BRD2: variants seen among roughly 807,000 people sequenced by gnomAD.
BRD2 encodes bromodomain-containing protein 2.
In BRD2, 15 loss-of-function variants were observed where a neutral mutation model predicts 79.1. The observed-to-expected ratio is 0.19, with a 90% CI of 0.13 to 0.29. BRD2 has a LOEUF of 0.29. Among genes scored for constraint, BRD2 ranks in the 10% least tolerant of loss-of-function variants. BRD2 has a pLI of 1.00. For synonymous variants in BRD2, 488 were observed against 358.6 expected, an observed-to-expected ratio of 1.36 and a Z score of -4.08; for missense variants, 1,053 against 991.3, an observed-to-expected ratio of 1.06 and a Z score of -0.84.
chr6:32,978,781 C>T (rs2127523687), intron 10 of BRD2: 1 of 231,972 alleles, frequency 4.3e-6, no homozygotes, highest in Non-Finnish European at 8.4e-6. Context: ...CAGTAACAGG[C>T]CACGGACTGG....
At chr6:32,969,097 G>A (rs6940269) in intron 1 of BRD2, 41 bp downstream of exon 1, 9,073 of 520,280 alleles carry the variant, frequency 0.017, 158 homozygotes, top group African/African-American at 0.06. Context: ...TCAGTCAAGT[G>A]CTTAACCAAT....
At chr6:32,973,700 G>T (rs911721919) in intron 2 of BRD2, among the ~76,000 whole-genome samples, 12 of 152,132 alleles carry the variant, frequency 7.9e-5, no homozygotes, top group African/African-American at 2.9e-4. Flanking sequence ...TAGTGGAATC[G>T]TGTTGTGTAG....
chr6:32,975,630 A>C, intron 4 of BRD2, 109 bp downstream of exon 4: 1 of 1,401,482 alleles, frequency 7.1e-7, no homozygotes, highest in Non-Finnish European at 9.8e-7. Context: ...TGAAGGTGTT[A>C]TCCAGGTAGG....
chr6:32,975,973 GTATC>G (rs1778687899), intron 4 of BRD2, 54 bp from the exon 5 acceptor site: 17 of 1,542,288 alleles, frequency 1.1e-5, no homozygotes, highest in Non-Finnish European at 1.5e-5. Context: ...AAGATGGTGT[GTATC>G]TATCTTCTGT....
At position 32,972,840 on chromosome 6, in the gene BRD2, G is replaced by A. The variant is rs6916791; in HGVS notation, c.-59G>A. 0.01 allele frequency: 16,693 copies of A among 1,613,048 alleles called. 160 individuals carry two copies. The highest frequency in any genetic ancestry group is 0.035 in the African/African-American group (2,612 of 75,046). ...GTTATGCTGGACCGGGCGGTGAGGGGAACCGAGGCCACCCGGACTTTCCGC... is the reference window on the plus strand; with the variant it reads ...GTTATGCTGGACCGGGCGGTGAGGGAAACCGAGGCCACCCGGACTTTCCGC... On this transcript the variant is annotated 5_prime_UTR_variant, in exon 2 of 13. Coordinates refer to ENST00000374825, the MANE Select transcript of BRD2 (RefSeq NM_005104.4).
In BRD2 at chr6:32,976,245, T is replaced by A; in HGVS notation, c.611-5T>A. The A allele has an allele frequency of 6.2e-7, 1 of 1,611,476 alleles. No individual in the cohort carries two copies. Among genetic ancestry groups the A allele is most frequent in the Non-Finnish European group, 8.5e-7 (1 of 1,178,942 alleles). On this transcript the variant is annotated splice_polypyrimidine_tract_variant and splice_region_variant and intron_variant, in intron 5 of 12. Transcript: ENST00000374825. ...ATCAAACTACACTTTTTTCCTTTTT[T>A]CTAGCGCTCCAGGGCAGTGTTACCA...
In BRD2 at chr6:32,971,630, C is replaced by T. The variant is rs1777990098; in HGVS notation, c.-1269C>T. The T allele has an allele frequency of 6.8e-6, 3 of 438,668 alleles. No homozygotes were observed. The highest frequency in any genetic ancestry group is 1.2e-5 in the Non-Finnish European group (3 of 247,940). 27.2% of individuals were successfully genotyped at this position (438,668 alleles called of 1,614,324 possible). ...GCTGCTGCCTTACCGCCGAGAACCA[C>T]CACCCGCCAGGCGTCTTGCGGCCAC... On this transcript the variant is annotated 5_prime_UTR_variant, in exon 2 of 13. Coordinates refer to ENST00000374825, the MANE Select transcript of BRD2 (RefSeq NM_005104.4).
At chr6:32,975,567 A>G (rs747955782) in intron 4 of BRD2, 46 bp downstream of exon 4, 1 of 1,598,684 alleles carries the variant, frequency 6.3e-7, no homozygotes, top group Non-Finnish European at 8.6e-7. Flanking sequence ...AGAAACAGTA[A>G]CTTCTATTAT....
chr6:32,979,453 A>T, intron 10 of BRD2: 1 of 244,844 alleles, frequency 4.1e-6, no homozygotes, highest in Non-Finnish European at 7.9e-6. Context: ...ACCTTGTTTT[A>T]TTGTGCTTCA....
chr6:32,974,420 C>T, intron 2 of BRD2, 42 bp from the exon 3 acceptor site: 2 of 1,569,744 alleles, frequency 1.3e-6, no homozygotes, highest in South Asian at 1.2e-5. Context: ...ACTTTTTCCT[C>T]ATTTGGACGA....
rs1376873864 is a variant in BRD2, at chr6:32,976,646, G to A, written c.910G>A (p.Gly304Arg). ...TCCTGGTTCTCCAGCTAGCCCTCCT[G>A]GGAGTCTTGAGCCTAAGGCAGCACG... ...LAPGSPASPP[G>R]SLEPKAARLP... The change falls in exon 7 of 13, where the codon GGG becomes AGG. Residue 304 changes from glycine to arginine, a missense_variant. By Grantham distance (125) the Gly-to-Arg change is moderately radical (BLOSUM62 -2). Transcript: ENST00000374825. 1 of 1,612,590 alleles carries A rather than the reference G, an allele frequency of 6.2e-7. No individual in the cohort carries two copies. The highest frequency in any genetic ancestry group is 1.1e-5 in the South Asian group (1 of 91,092).
At position 32,974,778 on chromosome 6, in the gene BRD2, A is replaced by G. The variant is rs368561327; in HGVS notation, c.333+13A>G. On this transcript the variant is annotated intron_variant, in intron 3 of 12. Coordinates refer to ENST00000374825, the MANE Select transcript of BRD2 (RefSeq NM_005104.4). ...ACTGGGTCTACCGGTGAGTAGAGAC[A>G]TTGGAGCCGGGGAGGTGTGGGATGA... is the stretch of plus-strand genomic sequence containing the variant. 4 of 1,610,244 alleles carry G rather than the reference A, an allele frequency of 2.5e-6. No homozygotes were observed. In the African/African-American group the frequency reaches 4.0e-5, roughly 16 times the overall value.
chr6:32,977,268 A>G (rs1561947902), intron 7 of BRD2, 174 bp from the exon 8 acceptor site: 1 of 1,557,224 alleles, frequency 6.4e-7, no homozygotes, highest in East Asian at 2.3e-5. Context: ...AGACATAAAT[A>G]TTTCTTCAAC....
rs374509842 is a variant in BRD2 at position 32,975,307 on chromosome 6, T to TGTGTGA, written c.334-74_334-73insTGAGTG. 3,789 of 1,151,322 alleles carry TGTGTGA rather than the reference T, an allele frequency of 3.3e-3. 7 individuals carry two copies. Among genetic ancestry groups the TGTGTGA allele is most frequent in the Middle Eastern group, 0.022 (74 of 3,430 alleles). The allele number at this position is 1,151,322 out of a possible 1,614,324, so 71.3% of individuals were successfully genotyped here. On this transcript the variant is annotated intron_variant, in intron 3 of 12. Coordinates refer to ENST00000374825, the MANE Select transcript of BRD2 (RefSeq NM_005104.4). Reference sequence around the variant, plus strand: ...GGGGGTGTGTGTGTGTGTGTGTGTGTGTGAGAGTCGGGGATCGGTAGTCTC... The same window carrying TGTGTGA: ...GGGGGTGTGTGTGTGTGTGTGTGTGTGTGTGAGTGAGAGTCGGGGATCGGTAGTCTC...
intron 3 of BRD2, 82 bp from the exon 4 acceptor site, chr6:32,975,302 G>GTA: frequency 8.7e-7 from 1 of 1,147,840 alleles, no homozygotes; most frequent in Non-Finnish European, 1.2e-6. Context: ...GTGTGTGTGT[G>GTA]TGTGTGTGAG....
chr6:32,976,916 A>G lies in BRD2; in HGVS notation c.1180A>G (p.Met394Val), dbSNP rs772177282. 1.2e-6 allele frequency: 2 copies of G among 1,611,978 alleles called. No individual in the cohort carries two copies. Among genetic ancestry groups the G allele is most frequent in the South Asian group, 2.2e-5 (2 of 91,008 alleles). The change falls in exon 7 of 13, where the codon ATG (methionine) becomes GTG (valine). Residue 394 changes from methionine to valine, a missense_variant. This residue lies in a region of BRD2 where 454 missense variants were observed against 430.5 expected (regional missense o/e 1.05). Transcript: ENST00000374825. ...HDYHDIIKHP[M>V]DLSTVKRKME... ...CTACCATGACATCATTAAGCACCCCATGGACCTCAGCACTGTCAAGGTACC... is the reference window on the plus strand; with the variant it reads ...CTACCATGACATCATTAAGCACCCCGTGGACCTCAGCACTGTCAAGGTACC...
Position 32,974,758 on chromosome 6 carries a change from G to T in BRD2, c.326G>T (p.Gly109Val). 6.2e-7 allele frequency: 1 copy of T among 1,613,532 alleles called. No individual in the cohort carries two copies. Among genetic ancestry groups the T allele is most frequent in the Non-Finnish European group, 8.5e-7 (1 of 1,179,654 alleles). ...CAGCCTGTGGATGCTGTCAAACTGG[G>T]TCTACCGGTGAGTAGAGACATTGGA... The part of the protein sequence containing the change: ...FRQPVDAVKL[G>V]LPDYHKIIKQ... The change falls in exon 3 of 13, where the codon GGT (glycine) becomes GTT (valine). Residue 109 changes from glycine (G) to valine (V), a missense_variant. Physicochemically the swap from Gly to Val is moderately radical, Grantham distance 109. This residue lies in a region of BRD2 where 413 missense variants were observed against 335.1 expected (regional missense o/e 1.23). Coordinates refer to ENST00000374825, the MANE Select transcript of BRD2 (RefSeq NM_005104.4).
intron 11 of BRD2, 58 bp from the exon 12 acceptor site, chr6:32,980,284 G>C: frequency 6.2e-7 from 1 of 1,603,256 alleles, no homozygotes; most frequent in Non-Finnish European, 8.5e-7. Context: ...AACCTTAGGG[G>C]CCCATAATAA....
At position 32,976,045 on chromosome 6, in the gene BRD2, T is replaced by C; in HGVS notation, c.486T>C (p.Ile162=). The C allele has an allele frequency of 2.5e-6, 4 of 1,606,346 alleles. No homozygotes were observed. The highest frequency in any genetic ancestry group is 3.4e-6 in the Non-Finnish European group (4 of 1,178,014). ...TGTTCTCATAGCCCACTGATGATATTGTCCTAATGGCACAAACGCTGGAAA... is the reference window on the plus strand; with the variant it reads ...TGTTCTCATAGCCCACTGATGATATCGTCCTAATGGCACAAACGCTGGAAA... ...CYIYNKPTDD[I]VLMAQTLEKI... Residue 162 remains isoleucine, a synonymous_variant, in exon 5 of 13, where the codon ATT becomes ATC. Transcript: ENST00000374825.
Sources: gnomAD v4.1 joint callset for allele counts (sites outside exome capture counted in the v4.1 genomes callset) on GRCh38, gnomAD v4.1.1 for gene constraint, gnomAD v4.1.1 regional missense constraint, MANE v1.5 for transcripts, NCBI Gene and HGNC (gene_info 2026-07-23, HGNC 2026-07-21) for gene names.